DUSP29: variants seen among roughly 807,000 people sequenced by gnomAD.
The protein encoded by DUSP29 is dual specificity phosphatase 29.
In DUSP29, 12 loss-of-function variants were observed where a neutral mutation model predicts 13.5. That is an observed-to-expected ratio of 0.89 (90% CI 0.57 to 1.44). DUSP29 has a LOEUF of 1.44. Among genes scored for constraint, DUSP29 ranks in the 40% most tolerant of loss-of-function variants. DUSP29 has a pLI of 0.00. For synonymous variants in DUSP29, 134 were observed against 128.7 expected (o/e 1.04, Z -0.28); for missense variants, 308 against 301.1 (o/e 1.02, Z -0.17).
At chr10:75,041,583 G>A (rs1846584349) in intron 3 of DUSP29, among the ~76,000 whole-genome samples, 1 of 152,150 alleles carries the variant, frequency 6.6e-6, no homozygotes, top group Admixed American at 6.5e-5. Flanking sequence ...GCATGGTTCT[G>A]CAGGGTAGGC....
At chr10:75,050,506 T>C (rs1281717345) in intron 2 of DUSP29, among the ~76,000 whole-genome samples, 3 of 152,282 alleles carry the variant, frequency 2.0e-5, no homozygotes, top group Admixed American at 1.3e-4. Flanking sequence ...ATAGGCCATT[T>C]CTTAAATAAT....
chr10:75,059,596 C>T (rs1030603383), intron 1 of DUSP29, among the ~76,000 whole-genome samples: 3 of 152,054 alleles, frequency 2.0e-5, no homozygotes, highest in African/African-American at 7.2e-5. Flanking sequence ...CCCCATTTTA[C>T]AGATAAGGAG....
At chr10:75,044,352 G>A (rs1467871788) in intron 2 of DUSP29, among the ~76,000 whole-genome samples, 2 of 152,020 alleles carry the variant, frequency 1.3e-5, no homozygotes, top group East Asian at 3.9e-4. Context: ...CTGCCAAATC[G>A]CCTGAAAGCC....
intron 1 of DUSP29, among the ~76,000 whole-genome samples, chr10:75,068,957 G>A (rs1266680694): frequency 6.6e-6 from 1 of 151,812 alleles, no homozygotes; most frequent in Non-Finnish European, 1.5e-5. Context: ...CATATTCCAA[G>A]TTTAACAGAT....
intron 2 of DUSP29, among the ~76,000 whole-genome samples, chr10:75,047,271 G>A (rs1160278579): frequency 1.3e-5 from 2 of 152,178 alleles, no homozygotes; most frequent in Admixed American, 6.5e-5. Flanking sequence ...GCTTGAAAGA[G>A]CATCCACAGC....
At chr10:75,046,591 T>C (rs1445551744) in intron 2 of DUSP29, among the ~76,000 whole-genome samples, 1 of 152,226 alleles carries the variant, frequency 6.6e-6, no homozygotes, top group Non-Finnish European at 1.5e-5. Flanking sequence ...GAATTGAGCA[T>C]TTGGAAACAT....
rs139499939 is a variant in DUSP29, at chr10:75,049,541, G to A, written c.201-5524C>T. 5.1e-3 allele frequency among the ~76,000 whole-genome samples: 784 copies of A among 152,352 alleles called. 5 individuals carry two copies. Among genetic ancestry groups the A allele is most frequent in the African/African-American group, 0.018 (747 of 41,562 alleles). ...CCCGACCGTCTTGCCTGTGACTGCTGCCCAGCTATGCCTCAGTTGCCTTCA... is the reference window on the plus strand; with the variant it reads ...CCCGACCGTCTTGCCTGTGACTGCTACCCAGCTATGCCTCAGTTGCCTTCA... On this transcript the variant is annotated intron_variant, in intron 2 of 3. Coordinates refer to ENST00000338487, the MANE Select transcript of DUSP29 (RefSeq NM_001003892.3).
intron 2 of DUSP29, among the ~76,000 whole-genome samples, chr10:75,047,751 AAC>A (rs1846735467): frequency 6.6e-6 from 1 of 152,238 alleles, no homozygotes; most frequent in Non-Finnish European, 1.5e-5. Context: ...TGACAAAAAT[AAC>A]ACATGCTCAA....
chr10:75,070,070 AAAGGAAGGAAGG>A (rs71024533), intron 1 of DUSP29, among the ~76,000 whole-genome samples: 22,251 of 105,086 alleles, frequency 0.21, 2,984 homozygotes, highest in Non-Finnish European at 0.23. Flanking sequence ...AAGAAAGAAG[AAAGGAAGGAAGG>A]AAGGAAGGAA....
intron 2 of DUSP29, among the ~76,000 whole-genome samples, chr10:75,046,068 G>T (rs1042136982): frequency 1.1e-4 from 17 of 151,838 alleles, no homozygotes; most frequent in Non-Finnish European, 2.1e-4. Flanking sequence ...AGTGAGCTGT[G>T]ATTGCACCAC....
intron 2 of DUSP29, among the ~76,000 whole-genome samples, chr10:75,058,084 C>T (rs1847001536): frequency 1.3e-5 from 2 of 152,108 alleles, no homozygotes; most frequent in Admixed American, 1.3e-4. Flanking sequence ...GTGGCCGTGC[C>T]AGCCCCAGCC....
chr10:75,048,733 A>G (rs1031696827), intron 2 of DUSP29, among the ~76,000 whole-genome samples: 24 of 152,152 alleles, frequency 1.6e-4, no homozygotes, highest in African/African-American at 5.3e-4. Context: ...AACAGTGGGC[A>G]CATTTCTGGC....
At chr10:75,058,160 G>C (rs903016711) in intron 2 of DUSP29, among the ~76,000 whole-genome samples, 155 bp downstream of exon 2, 2 of 152,254 alleles carry the variant, frequency 1.3e-5, no homozygotes, top group African/African-American at 4.8e-5. Context: ...CTTTGTTTAG[G>C]TTTTCTGTAA....
rs139135031 is a variant in DUSP29 at position 75,058,437 on chromosome 10, C to T, written c.78G>A (p.Glu26=). ...TGCAGTAGTCCTCCTCCTCCCCTTC[C>T]TCCTCCATCTTCGGCGACAGCCTCT... ...SAKRLSPKME[E]EGEEEDYCTP... Residue 26 remains glutamate, a synonymous_variant, in exon 2 of 4, where the codon GAG becomes GAA. Coordinates refer to ENST00000338487, the MANE Select transcript of DUSP29 (RefSeq NM_001003892.3). 3.3e-5 allele frequency: 53 copies of T among 1,614,258 alleles called. No individual in the cohort carries two copies. In the African/African-American group the frequency reaches 4.4e-4, roughly 13 times the overall value.
chr10:75,042,048 A>G (rs948072328), intron 3 of DUSP29, among the ~76,000 whole-genome samples: 1 of 152,122 alleles, frequency 6.6e-6, no homozygotes, highest in Non-Finnish European at 1.5e-5. Context: ...TGATGTGCAC[A>G]TGCTGGCGTG....
intron 2 of DUSP29, among the ~76,000 whole-genome samples, chr10:75,057,222 C>G (rs368233463): frequency 6.6e-6 from 1 of 151,616 alleles, no homozygotes; most frequent in South Asian, 2.1e-4. Context: ...TGCAGTGAGC[C>G]GAGGTCACAC....
intron 3 of DUSP29, among the ~76,000 whole-genome samples, chr10:75,042,650 G>T (rs1011853610): frequency 3.3e-5 from 5 of 152,242 alleles, no homozygotes; most frequent in Admixed American, 2.6e-4. Flanking sequence ...TGGTGGCTAT[G>T]GTTGGCTGTG....
intron 2 of DUSP29, among the ~76,000 whole-genome samples, chr10:75,055,562 G>A (rs1439462223): frequency 5.3e-5 from 8 of 152,194 alleles, no homozygotes; most frequent in African/African-American, 1.9e-4. Context: ...AAAGTAGATT[G>A]GTGGTTGCCA....
intron 2 of DUSP29, among the ~76,000 whole-genome samples, chr10:75,057,478 G>A (rs1846986614): frequency 1.3e-5 from 2 of 151,970 alleles, no homozygotes; most frequent in Non-Finnish European, 2.9e-5. Context: ...TGTGGGACTT[G>A]GGCCAGTTAT....
Sources: gnomAD v4.1 joint callset for allele counts (sites outside exome capture counted in the v4.1 genomes callset) on GRCh38, gnomAD v4.1.1 for gene constraint, MANE v1.5 for transcripts, NCBI Gene and HGNC (gene_info 2026-07-23, HGNC 2026-07-21) for gene names.